The following CHSY3 variants were observed in gnomAD, a reference collection of about 807,000 sequenced individuals.
The protein encoded by CHSY3 is chondroitin sulfate synthase 3.
In CHSY3, 35 loss-of-function variants were observed where a neutral mutation model predicts 67.2. The observed-to-expected ratio is 0.52, with a 90% CI of 0.40 to 0.69. The LOEUF (loss-of-function observed/expected upper bound fraction) is 0.69, where lower values mean the gene tolerates loss of function less well. Ranked by LOEUF, CHSY3 falls within the 30% of genes least tolerant of loss-of-function variation. The pLI is 0.00. For missense variants in CHSY3, 1,069 were observed against 1,138.5 expected, an observed-to-expected ratio of 0.94 and a Z score of 0.88; for synonymous variants, 474 against 434.7, an observed-to-expected ratio of 1.09 and a Z score of -1.12.
In CHSY3 at chr5:129,957,367, C is replaced by T. The variant is rs1324530835; in HGVS notation, c.1086+49007C>T. Among the ~76,000 whole-genome samples the T allele has an allele frequency of 4.3e-4, 7 of 16,402 alleles. No homozygotes were observed. In the Admixed American group the frequency reaches 4.6e-3, roughly 11 times the overall value. 10.8% of individuals were successfully genotyped at this position (16,402 alleles called of 152,430 possible). ...TTTTCAGCTTAAGGACCTTTTGAGC[C>T]GAGACTGGGGTTTTCTAGATATGGA... On this transcript the variant is annotated intron_variant, in intron 2 of 2. Coordinates refer to ENST00000305031, the MANE Select transcript of CHSY3 (RefSeq NM_175856.5).
intron 2 of CHSY3, among the ~76,000 whole-genome samples, chr5:130,031,538 G>A (rs985048563): frequency 1.3e-5 from 2 of 152,054 alleles, no homozygotes; most frequent in African/African-American, 4.8e-5. Context: ...ACATTGCTTT[G>A]GCTAGTACAC....
At chr5:130,092,956 A>G (rs1048134571) in intron 2 of CHSY3, among the ~76,000 whole-genome samples, 2 of 152,174 alleles carry the variant, frequency 1.3e-5, no homozygotes, top group Non-Finnish European at 2.9e-5. Flanking sequence ...AAATCCAATG[A>G]TCTGGTGAGT....
chr5:130,127,772 T>C (rs1487784993), intron 2 of CHSY3, among the ~76,000 whole-genome samples: 4 of 152,188 alleles, frequency 2.6e-5, no homozygotes, highest in Non-Finnish European at 4.4e-5. Context: ...TTTTTCTCCA[T>C]GAAGATGAAT....
intron 2 of CHSY3, among the ~76,000 whole-genome samples, chr5:130,030,860 T>C (rs1357636669): frequency 6.6e-6 from 1 of 152,114 alleles, no homozygotes; most frequent in Non-Finnish European, 1.5e-5. Flanking sequence ...TTGAGGATGG[T>C]CTAAAGAATG....
At chr5:129,945,788 G>T (rs886542143) in intron 2 of CHSY3, among the ~76,000 whole-genome samples, 3 of 152,068 alleles carry the variant, frequency 2.0e-5, no homozygotes, top group African/African-American at 7.2e-5. Context: ...TGGGATTTTT[G>T]ATTCTGTTTC....
intron 2 of CHSY3, among the ~76,000 whole-genome samples, chr5:130,002,438 A>G (rs1203007351): frequency 6.6e-6 from 1 of 152,042 alleles, no homozygotes; most frequent in Non-Finnish European, 1.5e-5. Context: ...AATCCATGGG[A>G]TATTACAGTT....
At chr5:129,998,282 A>G (rs1730525070) in intron 2 of CHSY3, among the ~76,000 whole-genome samples, 1 of 152,316 alleles carries the variant, frequency 6.6e-6, no homozygotes, top group African/African-American at 2.4e-5. Context: ...AAAAGTAGGT[A>G]TCTTTAAGAT....
intron 2 of CHSY3, among the ~76,000 whole-genome samples, chr5:130,097,837 A>G (rs1767100562): frequency 6.6e-6 from 1 of 152,078 alleles, no homozygotes; most frequent in Non-Finnish European, 1.5e-5. Flanking sequence ...CCCCGTCTCT[A>G]CTAAAAATAC....
intron 2 of CHSY3, among the ~76,000 whole-genome samples, chr5:129,914,118 C>CT (rs929582308): frequency 3.3e-5 from 5 of 150,928 alleles, no homozygotes; most frequent in South Asian, 4.2e-4. Context: ...ATAAATTTCC[C>CT]TTTTTTTTTG....
intron 2 of CHSY3, among the ~76,000 whole-genome samples, chr5:130,134,949 C>T (rs556899646): frequency 6.6e-6 from 1 of 151,568 alleles, no homozygotes; most frequent in Non-Finnish European, 1.5e-5. Flanking sequence ...AAGCTCACTC[C>T]CCAGTCACCC....
chr5:130,036,859 A>G (rs557913169), intron 2 of CHSY3, among the ~76,000 whole-genome samples: 2 of 152,266 alleles, frequency 1.3e-5, no homozygotes, highest in African/African-American at 4.8e-5. Flanking sequence ...GAATAACTCC[A>G]CAACTCCTTG....
intron 2 of CHSY3, among the ~76,000 whole-genome samples, chr5:130,066,288 G>A (rs922168376): frequency 6.6e-6 from 1 of 151,988 alleles, no homozygotes; most frequent in African/African-American, 2.4e-5. Context: ...ACACTCTGGG[G>A]ATAATATTTT....
At chr5:129,996,686 G>C (rs1763548959) in intron 2 of CHSY3, among the ~76,000 whole-genome samples, 1 of 152,070 alleles carries the variant, frequency 6.6e-6, no homozygotes, top group Non-Finnish European at 1.5e-5. Flanking sequence ...GTGCTTCAAA[G>C]GAGATCTTAT....
chr5:129,971,046 A>G (rs1762627821), intron 2 of CHSY3, among the ~76,000 whole-genome samples: 1 of 151,882 alleles, frequency 6.6e-6, no homozygotes, highest in African/African-American at 2.4e-5. Context: ...TGTTCTATTT[A>G]AAAATATGTG....
Position 129,907,478 on chromosome 5 carries a change from G to T in CHSY3, c.803-599G>T, listed in dbSNP as rs528860948. ...TAGCTGCAAAATTTTATTTTTAAAC[G>T]TTTTTTCTGAACTTAACAAACTGCA... On this transcript the variant is annotated intron_variant, in intron 1 of 2. Transcript: ENST00000305031. Among the ~76,000 whole-genome samples, 227 of 152,184 alleles carry T rather than the reference G, an allele frequency of 1.5e-3. 1 individual carries two copies. The highest frequency in any genetic ancestry group is 2.5e-3 in the Non-Finnish European group (172 of 67,994).
At chr5:129,996,368 TGTGA>T (rs1763539538) in intron 2 of CHSY3, among the ~76,000 whole-genome samples, 1 of 152,172 alleles carries the variant, frequency 6.6e-6, no homozygotes, top group African/African-American at 2.4e-5. Flanking sequence ...ATACACCAAA[TGTGA>T]GTGTCTCAAA....
intron 2 of CHSY3, among the ~76,000 whole-genome samples, chr5:130,080,492 T>A (rs1322013152): frequency 6.6e-6 from 1 of 152,168 alleles, no homozygotes; most frequent in Non-Finnish European, 1.5e-5. Context: ...GTTCATAATT[T>A]GTTGGCTCCA....
chr5:129,924,679 A>G (rs559695017), intron 2 of CHSY3, among the ~76,000 whole-genome samples: 136 of 151,226 alleles, frequency 9.0e-4, no homozygotes, highest in Middle Eastern at 3.4e-3. Context: ...AACTTTCTGT[A>G]GTTATTCTTA....
At chr5:129,922,403 G>GC (rs1368681975) in intron 2 of CHSY3, among the ~76,000 whole-genome samples, 1 of 152,170 alleles carries the variant, frequency 6.6e-6, no homozygotes, top group African/African-American at 2.4e-5. Flanking sequence ...TTTGGGGGGA[G>GC]CCCCCATATT....
Sources: allele counts gnomAD v4.1 joint callset (sites outside exome capture counted in the v4.1 genomes callset), GRCh38; gene constraint gnomAD v4.1.1; transcripts MANE v1.5; gene names NCBI Gene and HGNC (gene_info 2026-07-23, HGNC 2026-07-21).